Variants in CENPW observed in about 807,000 individuals in gnomAD.
CENPW encodes the protein cancer-up-regulated gene 2 protein.
Under a neutral mutation model 11.1 loss-of-function variants are expected in CENPW, and 3 were observed. That is an observed-to-expected ratio of 0.27 (90% CI 0.12 to 0.70). The LOEUF (loss-of-function observed/expected upper bound fraction) is 0.70, where lower values mean the gene tolerates loss of function less well. Among genes scored for constraint, CENPW ranks in the 30% least tolerant of loss-of-function variants. The pLI, the probability that CENPW is intolerant of heterozygous loss-of-function variation, is 0.77. For missense variants in CENPW, 100 were observed against 105.6 expected (o/e 0.95, Z 0.23); for synonymous variants, 38 against 42.0 (o/e 0.91, Z 0.37).
At chr6:126,368,229 G>GTGCC in the CENPW span, among the ~76,000 whole-genome samples, 1 of 152,212 alleles carries the variant, frequency 6.6e-6, no homozygotes, top group East Asian at 1.9e-4. Flanking sequence ...GGAAAAGGCA[G>GTGCC]TGCCTGCATC....
the CENPW span, among the ~76,000 whole-genome samples, chr6:126,477,348 G>A: frequency 1.6e-4 from 24 of 151,788 alleles, no homozygotes; most frequent in African/African-American, 5.3e-4. Context: ...AAAGAGATTG[G>A]CATGAGAACA....
chr6:126,360,651 G>T, the CENPW span, among the ~76,000 whole-genome samples: 1 of 150,366 alleles, frequency 6.7e-6, no homozygotes. Flanking sequence ...CATTTGAGTT[G>T]ATTTGAAGAA....
chr6:126,470,976 C>T, the CENPW span, among the ~76,000 whole-genome samples: 22 of 152,250 alleles, frequency 1.4e-4, no homozygotes, highest in East Asian at 2.1e-3. Flanking sequence ...AGGGACTTGC[C>T]TTGTCTCAGA....
chr6:126,352,528 A>T (rs564462735), downstream of CENPW, among the ~76,000 whole-genome samples: 78 of 152,220 alleles, frequency 5.1e-4, no homozygotes, highest in African/African-American at 1.8e-3. Context: ...TCTCTAATCC[A>T]TGTTGCTTGT....
chr6:126,345,905 A>C (rs1398527099), intron 1 of CENPW, among the ~76,000 whole-genome samples: 1 of 152,230 alleles, frequency 6.6e-6, no homozygotes, highest in East Asian at 1.9e-4. Context: ...AGAAGCAGGA[A>C]TATTTGTTAC....
the CENPW span, among the ~76,000 whole-genome samples, chr6:126,465,676 C>G: frequency 6.6e-6 from 1 of 151,776 alleles, no homozygotes; most frequent in Admixed American, 6.6e-5. Context: ...GAGAAATTAG[C>G]TGATGAAAAA....
At chr6:126,481,511 G>A in the CENPW span, among the ~76,000 whole-genome samples, 3 of 152,032 alleles carry the variant, frequency 2.0e-5, no homozygotes, top group Admixed American at 1.3e-4. Context: ...AAGGAAGCAT[G>A]CTTGTGACAG....
the CENPW span, among the ~76,000 whole-genome samples, chr6:126,471,186 C>T: frequency 6.6e-6 from 1 of 151,988 alleles, no homozygotes; most frequent in Non-Finnish European, 1.5e-5. Context: ...GAGGGAGGGA[C>T]CTCGTGGAAG....
At chr6:126,386,458 A>G in the CENPW span, among the ~76,000 whole-genome samples, 13 of 152,186 alleles carry the variant, frequency 8.5e-5, no homozygotes, top group Middle Eastern at 6.8e-3. Flanking sequence ...CTATTTAACT[A>G]TATCAGTCTC....
the CENPW span, among the ~76,000 whole-genome samples, chr6:126,417,899 A>G: frequency 2.0e-5 from 3 of 152,358 alleles, no homozygotes; most frequent in Admixed American, 1.3e-4. Context: ...GAATATATAC[A>G]TAACTTTTAA....
the CENPW span, among the ~76,000 whole-genome samples, chr6:126,473,484 C>G: frequency 6.6e-6 from 1 of 152,012 alleles, no homozygotes; most frequent in African/African-American, 2.4e-5. Flanking sequence ...GTAATCTCAG[C>G]GCTTTGGGAG....
the CENPW span, among the ~76,000 whole-genome samples, chr6:126,447,906 T>A: frequency 6.6e-6 from 1 of 151,326 alleles, no homozygotes; most frequent in East Asian, 1.9e-4. Flanking sequence ...TTCCACTTCT[T>A]GTGTTGCTCC....
chr6:126,454,151 T>C, the CENPW span, among the ~76,000 whole-genome samples: 4 of 151,172 alleles, frequency 2.6e-5, no homozygotes, highest in Non-Finnish European at 5.9e-5. Flanking sequence ...CTGACAGTAT[T>C]AGGTACATCA....
At chr6:126,477,743 T>C in the CENPW span, among the ~76,000 whole-genome samples, 1 of 152,048 alleles carries the variant, frequency 6.6e-6, no homozygotes, top group Admixed American at 6.6e-5. Context: ...GTGATAACTT[T>C]TTAAAATTCC....
the CENPW span, among the ~76,000 whole-genome samples, chr6:126,462,509 T>TTCTC: frequency 7.1e-6 from 1 of 140,034 alleles, no homozygotes; most frequent in African/African-American, 2.6e-5. Flanking sequence ...CTTCTTTTCT[T>TTCTC]TCTCTCTCTC....
the CENPW span, among the ~76,000 whole-genome samples, chr6:126,359,417 T>C: frequency 6.6e-6 from 1 of 152,124 alleles, no homozygotes; most frequent in Non-Finnish European, 1.5e-5. Context: ...GGTAGGTTAT[T>C]CTGTAGATGT....
the CENPW span, among the ~76,000 whole-genome samples, chr6:126,434,523 C>G: frequency 6.6e-6 from 1 of 151,952 alleles, no homozygotes; most frequent in African/African-American, 2.4e-5. Context: ...TTAATTATAG[C>G]TGGCTAGACA....
At chr6:126,414,698 G>A in the CENPW span, among the ~76,000 whole-genome samples, 12 of 151,772 alleles carry the variant, frequency 7.9e-5, no homozygotes, top group Admixed American at 2.0e-4. Flanking sequence ...GTAAATGACC[G>A]AATGATGCAT....
chr6:126,401,486 G>C, the CENPW span, among the ~76,000 whole-genome samples: 1 of 151,978 alleles, frequency 6.6e-6, no homozygotes, highest in Non-Finnish European at 1.5e-5. Context: ...ATGATACTGA[G>C]TCTTAGGAGT....
Sources: gnomAD v4.1 joint callset for allele counts (sites outside exome capture counted in the v4.1 genomes callset) on GRCh38, gnomAD v4.1.1 for gene constraint, MANE v1.5 for transcripts, NCBI Gene and HGNC (gene_info 2026-07-23, HGNC 2026-07-21) for gene names.